CFAP100: variants seen among roughly 807,000 people sequenced by gnomAD.
The protein encoded by CFAP100 is cilia and flagella associated protein 100, also known as cilia- and flagella-associated protein 100.
A neutral mutation model predicts 81.5 loss-of-function variants in CFAP100; 70 were observed. The observed-to-expected ratio is 0.86, with a 90% CI of 0.71 to 1.05. The LOEUF (loss-of-function observed/expected upper bound fraction) is 1.05. Among genes scored for constraint, CFAP100 ranks in the 50% least tolerant of loss-of-function variants. The pLI, the probability that CFAP100 is intolerant of heterozygous loss-of-function variation, is 0.00. For missense variants in CFAP100, 811 were observed against 776.5 expected (o/e 1.04, Z -0.53); for synonymous variants, 341 against 314.8 (o/e 1.08, Z -0.88).
At chr3:126,431,617 TG>T (rs1465211393) in intron 13 of CFAP100, among the ~76,000 whole-genome samples, 5 of 152,170 alleles carry the variant, frequency 3.3e-5, no homozygotes, top group African/African-American at 1.2e-4. Context: ...AGTGTTTCTG[TG>T]GAAGGACAAG....
intron 5 of CFAP100, 40 bp downstream of exon 5, chr3:126,416,548 G>T: frequency 1.4e-6 from 2 of 1,478,650 alleles, no homozygotes. Context: ...GGCCAGTGGC[G>T]TCCCACAACC....
At chr3:126,395,666 C>A (rs1365442173) in intron 1 of CFAP100, among the ~76,000 whole-genome samples, 1 of 152,174 alleles carries the variant, frequency 6.6e-6, no homozygotes, top group Non-Finnish European at 1.5e-5. Flanking sequence ...GGAAGCCCAG[C>A]ACCCCCAGCT....
chr3:126,416,867 T>C (rs1427326810), intron 5 of CFAP100: 1 of 179,364 alleles, frequency 5.6e-6, no homozygotes, highest in African/African-American at 2.4e-5. Flanking sequence ...GTTATAATTG[T>C]TCTATTTTTA....
intron 15 of CFAP100, among the ~76,000 whole-genome samples, 178 bp from the exon 16 acceptor site, chr3:126,435,381 C>T (rs1191633299): frequency 6.6e-6 from 1 of 152,126 alleles, no homozygotes; most frequent in Non-Finnish European, 1.5e-5. Context: ...CCACCTTGGC[C>T]AAAAGCAGCG....
At chr3:126,410,438 C>A (rs1213697960) in intron 3 of CFAP100, among the ~76,000 whole-genome samples, 1 of 152,190 alleles carries the variant, frequency 6.6e-6, no homozygotes, top group Non-Finnish European at 1.5e-5. Context: ...TTCTACTATA[C>A]AATCATGTCA....
At chr3:126,396,381 C>A (rs1355878803) in intron 2 of CFAP100, 6 of 283,710 alleles carry the variant, frequency 2.1e-5, no homozygotes, top group East Asian at 7.8e-5. Context: ...GCTTTGCAGG[C>A]AATCCTTGGT....
intron 2 of CFAP100, among the ~76,000 whole-genome samples, chr3:126,403,114 T>C (rs969995332): frequency 1.3e-5 from 2 of 151,958 alleles, no homozygotes; most frequent in African/African-American, 4.8e-5. Context: ...CAGTTGGCGA[T>C]GTGTAGGTGT....
At chr3:126,400,730 C>T (rs1001882036) in intron 2 of CFAP100, among the ~76,000 whole-genome samples, 8 of 151,314 alleles carry the variant, frequency 5.3e-5, no homozygotes, top group African/African-American at 1.7e-4. Flanking sequence ...CCAGCCTGGG[C>T]GACAGAGCGA....
intron 2 of CFAP100, among the ~76,000 whole-genome samples, chr3:126,402,093 CG>C (rs1245210457): frequency 2.0e-5 from 3 of 152,196 alleles, no homozygotes; most frequent in African/African-American, 7.2e-5. Context: ...TCCTTCAGGG[CG>C]GCATCCCCAG....
At position 126,396,422 on chromosome 3, in the gene CFAP100, T is replaced by C. The variant is rs1238356189; in HGVS notation, c.49+373T>C. 1.9e-5 allele frequency: 4 copies of C among 210,184 alleles called. No individual in the cohort carries two copies. The South Asian group carries it at 4.2e-4, about 22-fold the overall frequency. 13.0% of individuals were successfully genotyped at this position (210,184 alleles called of 1,614,324 possible). Reference sequence around the variant, plus strand: ...TTGGCTTGTAGAAGCATCACTCCCATCTCAGCCTTCCTGCCCATGTGGAAT... The same window carrying C: ...TTGGCTTGTAGAAGCATCACTCCCACCTCAGCCTTCCTGCCCATGTGGAAT... On this transcript the variant is annotated intron_variant, in intron 2 of 16. Transcript: ENST00000352312.
intron 5 of CFAP100, chr3:126,418,058 A>G (rs1199651819): frequency 5.1e-6 from 1 of 195,124 alleles, no homozygotes; most frequent in Non-Finnish European, 1.0e-5. Flanking sequence ...AGGTGCCCCA[A>G]GTAGCAATTA....
intron 13 of CFAP100, among the ~76,000 whole-genome samples, chr3:126,430,458 A>C (rs1014038685): frequency 3.9e-5 from 6 of 152,190 alleles, no homozygotes; most frequent in African/African-American, 1.4e-4. Context: ...ATATATTACC[A>C]CAGGTACTCC....
chr3:126,435,496 T>C, intron 15 of CFAP100, 63 bp from the exon 16 acceptor site: 1 of 1,401,518 alleles, frequency 7.1e-7, no homozygotes. Context: ...GGGGACTCCG[T>C]GTGGAGATTA....
chr3:126,434,043 T>C (rs1933345384), intron 14 of CFAP100, 133 bp from the exon 15 acceptor site: 4 of 745,028 alleles, frequency 5.4e-6, no homozygotes, highest in African/African-American at 1.8e-5. Context: ...TTTTAGCCCA[T>C]GTTCTCAGAG....
intron 2 of CFAP100, among the ~76,000 whole-genome samples, chr3:126,403,173 G>A (rs1162688161): frequency 6.6e-6 from 1 of 152,082 alleles, no homozygotes; most frequent in Non-Finnish European, 1.5e-5. Context: ...AGGCTGCTGT[G>A]GATGGAGGCC....
intron 3 of CFAP100, among the ~76,000 whole-genome samples, chr3:126,407,580 T>C (rs1346520864): frequency 7.9e-6 from 1 of 126,176 alleles, no homozygotes; most frequent in Non-Finnish European, 1.7e-5. Flanking sequence ...CAATTAGGGC[T>C]TTCATGCTCA....
chr3:126,434,929 G>GGCA lies in CFAP100; in HGVS notation c.1628+554_1628+556dup, dbSNP rs1489914466. Among the ~76,000 whole-genome samples the GGCA allele has an allele frequency of 2.0e-5, 3 of 152,240 alleles. No individual in the cohort carries two copies. The East Asian group carries it at 5.8e-4, about 29-fold the overall frequency. Reference sequence around the variant, plus strand: ...AGAGGGGAGTGGAGGGGGGCAGATGGGCAGCAGCTTGCTATCTGTCGGGAC... The same window carrying GGCA: ...AGAGGGGAGTGGAGGGGGGCAGATGGGCAGCAGCAGCTTGCTATCTGTCGGGAC... On this transcript the variant is annotated intron_variant, in intron 15 of 16. Transcript: ENST00000352312.
At chr3:126,433,921 T>C (rs1440243723) in intron 14 of CFAP100, 2 of 494,734 alleles carry the variant, frequency 4.0e-6, no homozygotes, top group South Asian at 4.9e-5. Flanking sequence ...CTGGGCCCCG[T>C]TGGCTCACCA....
chr3:126,425,915 TAAAG>T (rs1381390668), intron 13 of CFAP100, among the ~76,000 whole-genome samples: 2 of 152,040 alleles, frequency 1.3e-5, no homozygotes, highest in South Asian at 2.1e-4. Flanking sequence ...TCAATTTTGA[TAAAG>T]AACACAAAAA....
Sources: allele counts gnomAD v4.1 joint callset (sites outside exome capture counted in the v4.1 genomes callset), GRCh38; gene constraint gnomAD v4.1.1; transcripts MANE v1.5; gene names NCBI Gene and HGNC (gene_info 2026-07-23, HGNC 2026-07-21).